Variants in IL9R observed in about 807,000 individuals in gnomAD.
The protein encoded by IL9R is interleukin 9 receptor.
Under a neutral mutation model 56.3 loss-of-function variants are expected in IL9R, and 54 were observed. The ratio of observed to expected loss-of-function variants is 0.96; its 90% CI spans 0.77 to 1.20. IL9R has a LOEUF of 1.20. Among genes scored for constraint, IL9R ranks in the 50% most tolerant of loss-of-function variants. The pLI is 0.00. For synonymous variants in IL9R, 212 were observed against 250.2 expected, an observed-to-expected ratio of 0.85 and a Z score of 1.44; for missense variants, 545 against 629.8, an observed-to-expected ratio of 0.87 and a Z score of 1.44.
intron 1 of IL9R, chrX:156,001,457 G>A (rs761578318): frequency 2.9e-5 from 46 of 1,610,566 alleles, no homozygotes; most frequent in Non-Finnish European, 3.5e-5. Flanking sequence ...TTGCCACGGT[G>A]TTTCATGCTG....
At chrX:156,009,686 G>A (rs1377614854) in intron 8 of IL9R, 130 bp from the exon 9 acceptor site, 5 of 518,126 alleles carry the variant, frequency 9.7e-6, no homozygotes, top group South Asian at 5.4e-5. Context: ...CTTGGCCTCT[G>A]GGTGTGGACC....
At chrX:156,008,923 G>T (rs1408248787) in intron 8 of IL9R, among the ~76,000 whole-genome samples, 6 of 138,590 alleles carry the variant, frequency 4.3e-5, no homozygotes, top group Non-Finnish European at 1.5e-5. Flanking sequence ...GTGTGTGTCT[G>T]TGTGTGTGTT....
chrX:156,009,256 G>GTGTGTATGTC (rs2068288569), intron 8 of IL9R, among the ~76,000 whole-genome samples: 2 of 135,366 alleles, frequency 1.5e-5, no homozygotes, highest in African/African-American at 3.1e-5. Context: ...GTGTGTCTGT[G>GTGTGTATGTC]TGTGTGTGTT....
At chrX:156,004,072 A>G (rs2067737753) in intron 4 of IL9R, 1 of 612,264 alleles carries the variant, frequency 1.6e-6, no homozygotes, top group Non-Finnish European at 2.9e-6. Context: ...ATAAACATGC[A>G]CGGCTGCTAG....
chrX:156,004,512 A>G lies in IL9R; in HGVS notation c.526A>G (p.Thr176Ala), dbSNP rs1452885412. The G allele has an allele frequency of 2.5e-6, 4 of 1,613,576 alleles. No individual in the cohort carries two copies. The South Asian group carries it at 4.4e-5, about 18-fold the overall frequency. Reference sequence around the variant, plus strand: ...CATCAGTCCTGCCTTGGAGCCAATGACCACACTTCTCAGCTATGAGCTGGC... The same window carrying G: ...CATCAGTCCTGCCTTGGAGCCAATGGCCACACTTCTCAGCTATGAGCTGGC... ...WSISPALEPM[T>A]TLLSYELAFK... Residue 176 changes from threonine (T) to alanine (A), a missense_variant, in exon 5 of 9, where the codon ACC becomes GCC. Transcript: ENST00000244174.
chrX:156,009,254 G>GTGTGTGTATGTC (rs1569479079), intron 8 of IL9R, among the ~76,000 whole-genome samples: 1 of 58,408 alleles, frequency 1.7e-5, no homozygotes, highest in Admixed American at 1.6e-4. Context: ...GTGTGTGTCT[G>GTGTGTGTATGTC]TGTGTGTGTG....
chrX:156,000,453 C>T (rs2067442624), intron 1 of IL9R, among the ~76,000 whole-genome samples: 1 of 152,172 alleles, frequency 6.6e-6, no homozygotes, highest in African/African-American at 2.4e-5. Flanking sequence ...GCTCTGAGAA[C>T]AGACCAAAGT....
intron 8 of IL9R, among the ~76,000 whole-genome samples, chrX:156,008,949 GTGTGTGTGTGTTTA>G (rs1174821771): frequency 1.4e-5 from 2 of 146,256 alleles, no homozygotes; most frequent in South Asian, 4.2e-4. Context: ...GTGTATGTCT[GTGTGTGTGTGTTTA>G]TGTGTGTGTG....
In IL9R at chrX:156,009,947, A is replaced by G. The variant is rs767931784; in HGVS notation, c.1104A>G (p.Lys368=). The change falls in exon 9 of 9, where the codon AAA becomes AAG. Residue 368 remains lysine (K), a synonymous_variant. Coordinates refer to ENST00000244174, the MANE Select transcript of IL9R (RefSeq NM_002186.3). ...LLTCGPARPW[K]SVALEEEQEG... The stretch of plus-strand genomic sequence containing the variant: ...CTTGTGGCCCAGCGCGTCCTTGGAA[A>G]TCTGTGGCCCTGGAGGAGGAACAGG... 4 of 1,557,292 alleles carry G rather than the reference A, an allele frequency of 2.6e-6. 1 individual carries two copies. In the South Asian group the frequency reaches 4.6e-5, roughly 18 times the overall value.
intron 8 of IL9R, among the ~76,000 whole-genome samples, chrX:156,008,300 C>T (rs1197752255): frequency 6.6e-6 from 1 of 151,406 alleles, no homozygotes; most frequent in Non-Finnish European, 1.5e-5. Flanking sequence ...GGGCCCCTCC[C>T]TGGGGTCTGG....
chrX:156,004,449 A>T lies in IL9R; in HGVS notation c.463A>T (p.Ser155Cys), dbSNP rs780633265. ...VKLDPPSDLQ[S>C]NISSGHCILT... ...GCTGGACCCGCCCTCTGACTTGCAGAGCAACATCAGTTCTGGCCACTGCAT... is the reference window on the plus strand; with the variant it reads ...GCTGGACCCGCCCTCTGACTTGCAGTGCAACATCAGTTCTGGCCACTGCAT... Residue 155 changes from serine (S) to cysteine (C), a missense_variant, in exon 5 of 9, where the codon AGC (serine) becomes TGC (cysteine). Around this residue, in one of 2 missense-constraint regions of IL9R, gnomAD observed 431 missense variants for 360.0 expected, o/e 1.20. Coordinates refer to ENST00000244174, the MANE Select transcript of IL9R (RefSeq NM_002186.3). 6.2e-6 allele frequency: 10 copies of T among 1,613,746 alleles called. No homozygotes were observed. Among genetic ancestry groups the T allele is most frequent in the South Asian group, 5.5e-5 (5 of 91,054 alleles).
chrX:155,999,285 G>T (rs1269909628), intron 1 of IL9R, among the ~76,000 whole-genome samples: 11 of 151,994 alleles, frequency 7.2e-5, no homozygotes, highest in Non-Finnish European at 1.5e-5. Flanking sequence ...CACCTCTGCA[G>T]TGCCAAGTCC....
chrX:156,000,127 C>G (rs2067412384), intron 1 of IL9R, among the ~76,000 whole-genome samples: 1 of 121,350 alleles, frequency 8.2e-6, no homozygotes, highest in African/African-American at 3.4e-5. Flanking sequence ...CAGAGCGAGA[C>G]TCCGTCTAAA....
At chrX:156,002,032 G>A (rs982919491) in intron 1 of IL9R, among the ~76,000 whole-genome samples, 21 of 150,854 alleles carry the variant, frequency 1.4e-4, no homozygotes, top group Non-Finnish European at 2.1e-4. Context: ...CTTTATTTAA[G>A]AGGACAAAAG....
At chrX:156,004,594 G>T (rs747902778) in intron 5 of IL9R, 29 bp downstream of exon 5, 1 of 1,610,020 alleles carries the variant, frequency 6.2e-7, no homozygotes, top group Non-Finnish European at 8.5e-7. Flanking sequence ...TTCCCTGGGG[G>T]CCTCTCTCCT....
intron 1 of IL9R, among the ~76,000 whole-genome samples, chrX:156,002,318 C>G (rs1189401825): frequency 6.6e-6 from 1 of 152,134 alleles, no homozygotes; most frequent in African/African-American, 2.4e-5. Flanking sequence ...CCACTGCACT[C>G]TAGCCTGGGT....
At chrX:155,998,346 A>T (rs1173807390) in intron 1 of IL9R, among the ~76,000 whole-genome samples, 3 of 151,818 alleles carry the variant, frequency 2.0e-5, no homozygotes, top group Non-Finnish European at 4.4e-5. Flanking sequence ...AGCCAAGCAG[A>T]GGAAGGGGAG....
At chrX:156,003,587 G>T in intron 3 of IL9R, 27 bp downstream of exon 3, 2 of 1,607,018 alleles carry the variant, frequency 1.2e-6, no homozygotes, top group Non-Finnish European at 1.7e-6. Context: ...ATGCCCACCT[G>T]GACAGGGATG....
chrX:156,003,931 C>T (rs936541645), intron 4 of IL9R, 76 bp downstream of exon 4: 18 of 1,468,650 alleles, frequency 1.2e-5, no homozygotes, highest in Middle Eastern at 4.4e-4. Context: ...TGGAGCAGGG[C>T]CTTGCAGCCT....
Sources: allele counts gnomAD v4.1 joint callset (sites outside exome capture counted in the v4.1 genomes callset), GRCh38; gene constraint gnomAD v4.1.1; regional missense constraint gnomAD v4.1.1; transcripts MANE v1.5; gene names NCBI Gene and HGNC (gene_info 2026-07-23, HGNC 2026-07-21).